The following MAPK8 variants were observed in gnomAD, a reference collection of about 807,000 sequenced individuals.
MAPK8 encodes JUN N-terminal kinase.
MAPK8 carries 13 observed loss-of-function variants against 52.9 expected under a neutral mutation model. The observed-to-expected ratio is 0.25, with a 90% CI of 0.16 to 0.39. The LOEUF (loss-of-function observed/expected upper bound fraction) is 0.39. Ranked by LOEUF, MAPK8 falls within the 10% of genes least tolerant of loss-of-function variation. MAPK8 has a pLI of 1.00. For missense variants in MAPK8, 300 were observed against 519.2 expected (o/e 0.58, Z 4.10); for synonymous variants, 191 against 169.8 (o/e 1.12, Z -0.97).
At chr10:48,420,431 ATTGT>A (rs2043288435) in intron 6 of MAPK8, 111 bp downstream of exon 6, 1 of 1,017,898 alleles carries the variant, frequency 9.8e-7, no homozygotes, top group Middle Eastern at 2.3e-4. Context: ...AATGTGTATC[ATTGT>A]TTGAAATGTG....
intron 1 of MAPK8, among the ~76,000 whole-genome samples, chr10:48,350,520 CAT>C (rs1287049997): frequency 2.0e-5 from 3 of 152,218 alleles, no homozygotes; most frequent in African/African-American, 7.2e-5. Context: ...ACAAAAACCA[CAT>C]GATTATCTCA....
In MAPK8 at chr10:48,392,479, T is replaced by C. The variant is rs1418787858; in HGVS notation, c.-49-9133T>C. Among the ~76,000 whole-genome samples, 6 of 152,080 alleles carry C rather than the reference T, an allele frequency of 3.9e-5. No homozygotes were observed. In the South Asian group the frequency reaches 6.2e-4, roughly 16 times the overall value. On this transcript the variant is annotated intron_variant, in intron 1 of 11. Coordinates refer to ENST00000374189, the MANE Select transcript of MAPK8 (RefSeq NM_001323329.2). ...GTTATTATCTAATATGTAATAGATA[T>C]ATAATATCACACTTGGAAATTGCAC...
chr10:48,390,664 C>T (rs1240722845), intron 1 of MAPK8, among the ~76,000 whole-genome samples: 3 of 152,126 alleles, frequency 2.0e-5, no homozygotes, highest in African/African-American at 7.2e-5. Flanking sequence ...CGGGGCGGAG[C>T]GGGGGCGGTC....
chr10:48,418,327 T>C (rs943377402), intron 5 of MAPK8, among the ~76,000 whole-genome samples: 1 of 152,240 alleles, frequency 6.6e-6, no homozygotes, highest in Non-Finnish European at 1.5e-5. Context: ...GTTTCAGTGT[T>C]AGAATAGACT....
intron 11 of MAPK8, among the ~76,000 whole-genome samples, chr10:48,432,930 A>G (rs779980071): frequency 6.6e-6 from 1 of 152,208 alleles, no homozygotes; most frequent in East Asian, 1.9e-4. Context: ...ACTAAAACAG[A>G]AGGAGTAGTG....
intron 1 of MAPK8, among the ~76,000 whole-genome samples, chr10:48,366,513 G>T (rs2132581300): frequency 6.6e-6 from 1 of 152,288 alleles, no homozygotes; most frequent in East Asian, 1.9e-4. Context: ...GTGGTTATAA[G>T]GGTATACTCC....
chr10:48,343,270 C>T (rs1308006860), intron 1 of MAPK8, among the ~76,000 whole-genome samples: 1 of 152,192 alleles, frequency 6.6e-6, no homozygotes, highest in African/African-American at 2.4e-5. Flanking sequence ...CCTCTTCCAG[C>T]TTCTGTTGGC....
intron 1 of MAPK8, among the ~76,000 whole-genome samples, chr10:48,347,757 A>G (rs753382946): frequency 2.6e-4 from 40 of 152,302 alleles, no homozygotes; most frequent in Middle Eastern, 6.8e-3. Context: ...ATAGTATTCT[A>G]TGGTATATAT....
At chr10:48,364,039 C>A (rs1847810357) in intron 1 of MAPK8, among the ~76,000 whole-genome samples, 1 of 152,090 alleles carries the variant, frequency 6.6e-6, no homozygotes, top group East Asian at 1.9e-4. Context: ...ATAATTCATC[C>A]ATTTCTTCCT....
intron 1 of MAPK8, among the ~76,000 whole-genome samples, chr10:48,380,866 A>T (rs1439757977): frequency 1.3e-5 from 2 of 152,350 alleles, no homozygotes; most frequent in Middle Eastern, 3.4e-3. Flanking sequence ...AGTGATTTTT[A>T]AAAAGTCAAA....
intron 1 of MAPK8, among the ~76,000 whole-genome samples, chr10:48,368,544 C>T (rs989957259): frequency 6.6e-6 from 1 of 152,186 alleles, no homozygotes; most frequent in African/African-American, 2.4e-5. Context: ...CCAAATCATC[C>T]AGAGTCCTGA....
intron 1 of MAPK8, among the ~76,000 whole-genome samples, chr10:48,337,939 C>T (rs534124519): frequency 1.3e-5 from 2 of 151,970 alleles, no homozygotes; most frequent in African/African-American, 4.8e-5. Context: ...CGAGTTATAA[C>T]GTTGAATACA....
At chr10:48,396,582 A>T (rs1034881415) in intron 1 of MAPK8, among the ~76,000 whole-genome samples, 1 of 152,208 alleles carries the variant, frequency 6.6e-6, no homozygotes, top group Non-Finnish European at 1.5e-5. Flanking sequence ...TTACTCCTGG[A>T]TATTTACCCT....
At chr10:48,339,790 AAG>A (rs1845063468) in intron 1 of MAPK8, among the ~76,000 whole-genome samples, 2 of 152,326 alleles carry the variant, frequency 1.3e-5, no homozygotes, top group African/African-American at 4.8e-5. Context: ...GTGGCGAAAA[AAG>A]GTGAAATAAT....
At chr10:48,394,813 CAA>C (rs1418248774) in intron 1 of MAPK8, among the ~76,000 whole-genome samples, 2 of 151,568 alleles carry the variant, frequency 1.3e-5, no homozygotes, top group African/African-American at 4.8e-5. Flanking sequence ...TCCCAATACA[CAA>C]AAAAAGCCTA....
At chr10:48,355,328 C>T (rs547318658) in intron 1 of MAPK8, among the ~76,000 whole-genome samples, 4 of 151,960 alleles carry the variant, frequency 2.6e-5, no homozygotes, top group African/African-American at 4.8e-5. Context: ...GCTAACACGG[C>T]GAAACCCCAT....
chr10:48,433,571 T>C (rs1411777347), intron 11 of MAPK8, among the ~76,000 whole-genome samples: 1 of 152,210 alleles, frequency 6.6e-6, no homozygotes, highest in Non-Finnish European at 1.5e-5. Context: ...CCTGAAATGC[T>C]CATCCTGCTT....
At chr10:48,433,610 G>A (rs759155026) in intron 11 of MAPK8, among the ~76,000 whole-genome samples, 1 of 152,098 alleles carries the variant, frequency 6.6e-6, no homozygotes, top group Non-Finnish European at 1.5e-5. Flanking sequence ...CCCATCACAT[G>A]CTTTGTCTCT....
At position 48,345,131 on chromosome 10, in the gene MAPK8, A is replaced by G. The variant is rs532544831; in HGVS notation, c.-50+38310A>G. On this transcript the variant is annotated intron_variant, in intron 1 of 11. Transcript: ENST00000374189. Reference sequence around the variant, plus strand: ...AAAGGATCATTTTTTAATAGATCATAGTGGGAGATTTTAACCATTGTCTCT... The same window carrying G: ...AAAGGATCATTTTTTAATAGATCATGGTGGGAGATTTTAACCATTGTCTCT... 1.5e-4 allele frequency among the ~76,000 whole-genome samples: 23 copies of G among 152,350 alleles called. 1 individual carries two copies. In the South Asian group the frequency reaches 4.3e-3, roughly 29 times the overall value.
Sources: allele counts gnomAD v4.1 joint callset (sites outside exome capture counted in the v4.1 genomes callset), GRCh38; gene constraint gnomAD v4.1.1; transcripts MANE v1.5; gene names NCBI Gene and HGNC (gene_info 2026-07-23, HGNC 2026-07-21).